The following ENOX1 variants were observed in gnomAD, a reference collection of about 807,000 sequenced individuals.
ENOX1 encodes the protein ecto-NOX disulfide-thiol exchanger 1, also known as candidate growth-related and time keeping constitutive hydroquinone (NADH) oxidase.
ENOX1 carries 42 observed loss-of-function variants against 82.5 expected under a neutral mutation model. The ratio of observed to expected loss-of-function variants is 0.51; its 90% CI spans 0.40 to 0.66. The LOEUF is 0.66. Among genes scored for constraint, ENOX1 ranks in the 30% least tolerant of loss-of-function variants. ENOX1 has a pLI of 0.00. For synonymous variants in ENOX1, 271 were observed against 282.2 expected, an observed-to-expected ratio of 0.96 and a Z score of 0.40; for missense variants, 608 against 811.6, an observed-to-expected ratio of 0.75 and a Z score of 3.05.
At chr13:43,607,881 G>A (rs1365754800) in intron 2 of ENOX1, among the ~76,000 whole-genome samples, 1 of 152,178 alleles carries the variant, frequency 6.6e-6, no homozygotes, top group East Asian at 1.9e-4. Flanking sequence ...GAGACATCCT[G>A]TGAAATGTCT....
chr13:43,274,030 CAACAAA>C (rs1033709129), intron 12 of ENOX1, among the ~76,000 whole-genome samples: 5 of 152,080 alleles, frequency 3.3e-5, no homozygotes, highest in African/African-American at 7.2e-5. Context: ...CCCACCAAAA[CAACAAA>C]AACAAAAACA....
intron 14 of ENOX1, among the ~76,000 whole-genome samples, chr13:43,248,390 A>G (rs769352965): frequency 2.6e-5 from 4 of 151,828 alleles, no homozygotes; most frequent in Non-Finnish European, 5.9e-5. Context: ...AAACTATGCA[A>G]TCGCTTTGGA....
intron 3 of ENOX1, among the ~76,000 whole-genome samples, chr13:43,444,987 G>A (rs1025467597): frequency 2.6e-5 from 4 of 152,160 alleles, no homozygotes; most frequent in Non-Finnish European, 5.9e-5. Flanking sequence ...ATGTGAACTC[G>A]GGCTGGTCAC....
rs540036554 is a variant in ENOX1 at position 43,418,091 on chromosome 13, C to T, written c.-74-5103G>A. On this transcript the variant is annotated intron_variant, in intron 3 of 16. Transcript: ENST00000690772. ...AGCAATGGTGGCGCATGCCTGTAGT[C>T]CCAGCTACTCAGGAGGCTACGACAG... Among the ~76,000 whole-genome samples, 6 of 152,224 alleles carry T rather than the reference C, an allele frequency of 3.9e-5. No homozygotes were observed. The East Asian group carries it at 1.2e-3, about 29-fold the overall frequency.
chr13:43,672,927 A>G (rs2085335688), intron 1 of ENOX1, among the ~76,000 whole-genome samples: 1 of 152,116 alleles, frequency 6.6e-6, no homozygotes, highest in Non-Finnish European at 1.5e-5. Context: ...ATTGAAGGAC[A>G]GCAAAAAGTA....
chr13:43,243,603 C>A (rs2153463029), intron 14 of ENOX1, among the ~76,000 whole-genome samples: 1 of 152,288 alleles, frequency 6.6e-6, no homozygotes, highest in East Asian at 1.9e-4. Context: ...CACACCTTGA[C>A]CATTTTAACC....
chr13:43,737,288 T>G (rs1332632995), intron 1 of ENOX1, among the ~76,000 whole-genome samples: 1 of 152,126 alleles, frequency 6.6e-6, no homozygotes, highest in Non-Finnish European at 1.5e-5. Flanking sequence ...TGAATAGAGG[T>G]GTCACATATC....
At chr13:43,375,497 G>C (rs2051565643) in intron 5 of ENOX1, among the ~76,000 whole-genome samples, 2 of 152,208 alleles carry the variant, frequency 1.3e-5, no homozygotes, top group African/African-American at 4.8e-5. Flanking sequence ...GGGGCATAGA[G>C]GTAAGTCAGG....
chr13:43,724,086 C>A (rs550648738), intron 1 of ENOX1, among the ~76,000 whole-genome samples: 2 of 152,176 alleles, frequency 1.3e-5, no homozygotes, highest in Admixed American at 6.5e-5. Context: ...CATGACATCA[C>A]ATTAGGTCTT....
intron 2 of ENOX1, among the ~76,000 whole-genome samples, chr13:43,491,982 C>T (rs763610647): frequency 1.3e-5 from 2 of 152,144 alleles, no homozygotes; most frequent in African/African-American, 2.4e-5. Flanking sequence ...ATGGTCTGCT[C>T]ACTATGTTAT....
At chr13:43,488,319 C>T (rs2076503276) in intron 2 of ENOX1, among the ~76,000 whole-genome samples, 1 of 152,182 alleles carries the variant, frequency 6.6e-6, no homozygotes, top group Non-Finnish European at 1.5e-5. Context: ...TTCTGCCTTC[C>T]ACCACGTGCA....
chr13:43,234,787 TATTTG>T (rs1342259413), intron 15 of ENOX1, among the ~76,000 whole-genome samples: 1 of 152,220 alleles, frequency 6.6e-6, no homozygotes, highest in Non-Finnish European at 1.5e-5. Flanking sequence ...CATTTAAAAA[TATTTG>T]AAGTAGCCAA....
intron 11 of ENOX1, among the ~76,000 whole-genome samples, chr13:43,311,774 C>A (rs1045492575): frequency 5.9e-5 from 9 of 152,174 alleles, no homozygotes; most frequent in Admixed American, 3.3e-4. Flanking sequence ...GGATATGGTC[C>A]CACACACATT....
At chr13:43,408,470 T>C (rs570766054) in intron 5 of ENOX1, among the ~76,000 whole-genome samples, 89 of 152,328 alleles carry the variant, frequency 5.8e-4, no homozygotes, top group Non-Finnish European at 1.1e-3. Flanking sequence ...TTAAAGAGGA[T>C]TTCTTGGAAG....
intron 2 of ENOX1, among the ~76,000 whole-genome samples, chr13:43,525,459 T>C (rs2153685094): frequency 6.6e-6 from 1 of 152,304 alleles, no homozygotes; most frequent in East Asian, 1.9e-4. Context: ...CATAATATTC[T>C]CAAGGTTCAT....
At chr13:43,558,852 T>C (rs1168453583) in intron 2 of ENOX1, among the ~76,000 whole-genome samples, 2 of 152,244 alleles carry the variant, frequency 1.3e-5, no homozygotes, top group African/African-American at 2.4e-5. Context: ...TCTTTGGGAC[T>C]GAAATATCTT....
At chr13:43,252,958 A>G (rs1000161204) in intron 14 of ENOX1, among the ~76,000 whole-genome samples, 1 of 152,184 alleles carries the variant, frequency 6.6e-6, no homozygotes, top group Admixed American at 6.5e-5. Flanking sequence ...TTGTTGTGGG[A>G]AATTTAAACA....
At chr13:43,417,235 CGGGAGACGGGAGA>C (rs570009199) in intron 3 of ENOX1, among the ~76,000 whole-genome samples, 5,969 of 17,904 alleles carry the variant, frequency 0.33, 474 homozygotes, top group Middle Eastern at 0.43. Flanking sequence ...AGACGGGAGA[CGGGAGACGGGAGA>C]GGGAGAGGGA....
rs576655265 is a variant in ENOX1 at position 43,685,900 on chromosome 13, AC to A, written c.-284-18357del. Among the ~76,000 whole-genome samples the A allele has an allele frequency of 8.6e-5, 13 of 151,904 alleles. No homozygotes were observed. In the East Asian group the frequency reaches 2.3e-3, roughly 27 times the overall value. On this transcript the variant is annotated intron_variant, in intron 1 of 16. Transcript: ENST00000690772. ...CACACACACACACACACACACACACACACACACACACACTACATGGTTGAAA... is the reference window on the plus strand; with the variant it reads ...CACACACACACACACACACACACACAACACACACACACTACATGGTTGAAA...
Sources: allele counts gnomAD v4.1 joint callset (sites outside exome capture counted in the v4.1 genomes callset), GRCh38; gene constraint gnomAD v4.1.1; transcripts MANE v1.5; gene names NCBI Gene and HGNC (gene_info 2026-07-23, HGNC 2026-07-21).